FHIT: variants seen among roughly 807,000 people sequenced by gnomAD.
The protein encoded by FHIT is bis(5'-adenosyl)-triphosphatase.
A neutral mutation model predicts 17.9 loss-of-function variants in FHIT; 19 were observed. That is an observed-to-expected ratio of 1.06 (90% confidence interval 0.74 to 1.56). FHIT has a LOEUF of 1.56. Ranked by LOEUF, FHIT falls within the 40% of genes most tolerant of loss-of-function variation. The pLI is 0.00. For missense variants in FHIT, 248 were observed against 189.2 expected, an observed-to-expected ratio of 1.31 and a Z score of -1.82; for synonymous variants, 81 against 69.7, an observed-to-expected ratio of 1.16 and a Z score of -0.81.
chr3:60,803,100 C>A (rs1701252623), intron 4 of FHIT, among the ~76,000 whole-genome samples: 1 of 152,098 alleles, frequency 6.6e-6, no homozygotes, highest in African/African-American at 2.4e-5. Context: ...TCAGATTATC[C>A]ACCTAGAAAG....
intron 2 of FHIT, among the ~76,000 whole-genome samples, chr3:61,155,266 C>T (rs1399805313): frequency 1.3e-5 from 2 of 152,156 alleles, no homozygotes; most frequent in Admixed American, 1.3e-4. Flanking sequence ...CACAGAGATT[C>T]AATGTGGTGC....
At chr3:59,908,724 C>A (rs1048407692) in intron 8 of FHIT, among the ~76,000 whole-genome samples, 13 of 151,930 alleles carry the variant, frequency 8.6e-5, no homozygotes, top group African/African-American at 3.1e-4. Context: ...GAATGAATTA[C>A]AGGCCTGAAC....
intron 5 of FHIT, among the ~76,000 whole-genome samples, chr3:60,244,303 G>A (rs2107578945): frequency 6.6e-6 from 1 of 152,122 alleles, no homozygotes; most frequent in South Asian, 2.1e-4. Flanking sequence ...ATGTATGGGG[G>A]GAGGGATGGA....
chr3:60,056,330 C>T (rs1384479748), intron 5 of FHIT, among the ~76,000 whole-genome samples: 10 of 152,156 alleles, frequency 6.6e-5, no homozygotes, highest in Admixed American at 3.9e-4. Flanking sequence ...TTATTTGGAA[C>T]TAAAAGGTTT....
intron 1 of FHIT, among the ~76,000 whole-genome samples, chr3:61,217,506 A>T (rs2039718716): frequency 6.6e-6 from 1 of 152,190 alleles, no homozygotes; most frequent in African/African-American, 2.4e-5. Flanking sequence ...GAGTTCTGAG[A>T]GAAGCTGTAT....
intron 1 of FHIT, among the ~76,000 whole-genome samples, chr3:61,204,850 T>C (rs977915469): frequency 3.3e-5 from 5 of 152,110 alleles, no homozygotes; most frequent in Non-Finnish European, 7.4e-5. Context: ...ATACTTTAAG[T>C]TTTAGGGTAC....
intron 5 of FHIT, among the ~76,000 whole-genome samples, chr3:60,474,047 A>G (rs1192309129): frequency 6.6e-6 from 1 of 152,190 alleles, no homozygotes; most frequent in Non-Finnish European, 1.5e-5. Flanking sequence ...AAAAAAAGAC[A>G]TCTTCATAAA....
intron 4 of FHIT, among the ~76,000 whole-genome samples, chr3:60,646,305 AT>A (rs1283943362): frequency 6.6e-6 from 1 of 152,130 alleles, no homozygotes; most frequent in Non-Finnish European, 1.5e-5. Flanking sequence ...TTACGCACAC[AT>A]TTTTTAATAT....
intron 2 of FHIT, among the ~76,000 whole-genome samples, chr3:61,073,404 A>T (rs1220867616): frequency 6.6e-6 from 1 of 152,220 alleles, no homozygotes; most frequent in Non-Finnish European, 1.5e-5. Flanking sequence ...GTTTGATTCC[A>T]CATCCCAGGC....
intron 5 of FHIT, among the ~76,000 whole-genome samples, chr3:60,442,054 CT>C (rs1479549281): frequency 6.6e-6 from 1 of 151,092 alleles, no homozygotes; most frequent in Non-Finnish European, 1.5e-5. Context: ...GAAATGGGAT[CT>C]CACTGTGTTC....
At chr3:61,119,974 G>C (rs1387594247) in intron 2 of FHIT, among the ~76,000 whole-genome samples, 1 of 152,154 alleles carries the variant, frequency 6.6e-6, no homozygotes, top group Non-Finnish European at 1.5e-5. Flanking sequence ...AATCAAATGA[G>C]TTAATTCCTC....
Position 61,175,546 on chromosome 3 carries a change from T to G in FHIT, c.-164+25071A>C, listed in dbSNP as rs75010239. On this transcript the variant is annotated intron_variant, in intron 2 of 9. Coordinates refer to ENST00000492590, the MANE Select transcript of FHIT (RefSeq NM_002012.4). ...TAAATTTAATTAATTAATAATTAATTAAATTGTTGAAACTTAAGCCCCAGT... is the reference window on the plus strand; with the variant it reads ...TAAATTTAATTAATTAATAATTAATGAAATTGTTGAAACTTAAGCCCCAGT... Among the ~76,000 whole-genome samples, 59 of 152,238 alleles carry G rather than the reference T, an allele frequency of 3.9e-4. No individual in the cohort carries two copies. In the East Asian group the frequency reaches 0.011, roughly 28 times the overall value.
intron 4 of FHIT, chr3:60,690,694 T>C (rs1553699377): frequency 4.3e-6 from 2 of 461,158 alleles, no homozygotes; most frequent in African/African-American, 4.0e-5. Flanking sequence ...GACAGCAATG[T>C]CGAAGAAAAC....
intron 4 of FHIT, among the ~76,000 whole-genome samples, chr3:60,607,268 T>C (rs1430270116): frequency 6.6e-6 from 1 of 151,904 alleles, no homozygotes; most frequent in East Asian, 1.9e-4. Context: ...ACCACAGAAA[T>C]AGAAGCTTTG....
chr3:60,157,001 T>A (rs1160040095), intron 5 of FHIT, among the ~76,000 whole-genome samples: 1 of 152,072 alleles, frequency 6.6e-6, no homozygotes, highest in African/African-American at 2.4e-5. Context: ...TATATCTTTA[T>A]TTAAATAACT....
chr3:61,010,338 G>A (rs749839304), intron 3 of FHIT, among the ~76,000 whole-genome samples: 2 of 152,080 alleles, frequency 1.3e-5, no homozygotes, highest in Non-Finnish European at 2.9e-5. Flanking sequence ...TCCACTTAGG[G>A]TATTATTGCA....
At chr3:59,831,275 TATGATG>T (rs374077447) in intron 8 of FHIT, among the ~76,000 whole-genome samples, 13 of 151,606 alleles carry the variant, frequency 8.6e-5, no homozygotes, top group African/African-American at 2.2e-4. Context: ...ATGCTGGTGA[TATGATG>T]ATGATGATGA....
intron 5 of FHIT, among the ~76,000 whole-genome samples, chr3:60,363,718 G>A (rs564037642): frequency 6.6e-6 from 1 of 152,144 alleles, no homozygotes; most frequent in Non-Finnish European, 1.5e-5. Context: ...TGTACCCCAG[G>A]AGTCTGGCCT....
intron 8 of FHIT, among the ~76,000 whole-genome samples, chr3:59,798,653 A>G (rs1345634024): frequency 6.6e-6 from 1 of 152,252 alleles, no homozygotes; most frequent in Admixed American, 6.5e-5. Context: ...GGCTGTGCAA[A>G]CAGTATAGGC....
Sources: gnomAD v4.1 joint callset for allele counts (sites outside exome capture counted in the v4.1 genomes callset) on GRCh38, gnomAD v4.1.1 for gene constraint, MANE v1.5 for transcripts, NCBI Gene and HGNC (gene_info 2026-07-23, HGNC 2026-07-21) for gene names.